NBAS: variants seen among roughly 807,000 people sequenced by gnomAD.
NBAS encodes the protein NAG/BC035112 fusion.
In NBAS, 219 loss-of-function variants were observed where a neutral mutation model predicts 302.5. The ratio of observed to expected loss-of-function variants is 0.72; its 90% CI spans 0.65 to 0.81. The LOEUF (loss-of-function observed/expected upper bound fraction) is 0.81, where lower values mean the gene tolerates loss of function less well. Among genes scored for constraint, NBAS ranks in the 30% least tolerant of loss-of-function variants. NBAS has a pLI of 0.00. For synonymous variants in NBAS, 1,118 were observed against 1,021.6 expected, an observed-to-expected ratio of 1.09 and a Z score of -1.80; for missense variants, 2,932 against 2,841.6, an observed-to-expected ratio of 1.03 and a Z score of -0.72.
At chr2:15,282,755 G>A (rs1014311623) in intron 42 of NBAS, among the ~76,000 whole-genome samples, 3 of 152,182 alleles carry the variant, frequency 2.0e-5, no homozygotes, top group Non-Finnish European at 4.4e-5. Context: ...AAAGATGGAA[G>A]GTATTACCGA....
the NBAS span, among the ~76,000 whole-genome samples, chr2:14,873,348 G>A: frequency 2.0e-5 from 3 of 152,178 alleles, no homozygotes; most frequent in South Asian, 2.1e-4. Flanking sequence ...ACTAGTAGCT[G>A]GGATTATAGG....
the NBAS span, among the ~76,000 whole-genome samples, chr2:14,802,403 C>G: frequency 6.6e-6 from 1 of 151,124 alleles, no homozygotes; most frequent in South Asian, 2.1e-4. Context: ...GGTACCAGTC[C>G]CATGCTGTTT....
chr2:15,461,594 G>A, intron 20 of NBAS, 93 bp downstream of exon 20: 2 of 811,054 alleles, frequency 2.5e-6, no homozygotes, highest in Non-Finnish European at 4.0e-6. Flanking sequence ...AAAAGAAAAT[G>A]TAATATATGC....
At position 15,351,870 on chromosome 2, in the gene NBAS, G is replaced by GCGCACACA. The variant is rs879175551; in HGVS notation, c.4179+121_4179+122insTGTGTGCG. The GCGCACACA allele has an allele frequency of 4.3e-6, 3 of 701,864 alleles. No individual in the cohort carries two copies. In the African/African-American group the frequency reaches 5.4e-5, roughly 13 times the overall value. The allele number at this position is 701,864 out of a possible 1,614,324, so 43.5% of individuals were successfully genotyped here. On this transcript the variant is annotated intron_variant, in intron 35 of 51. Transcript: ENST00000281513. ...AGCTGAAAAGAAAAGTGGTCTGCAT[G>GCGCACACA]CACACACACACACACACACACACAC...
the NBAS span, among the ~76,000 whole-genome samples, chr2:14,968,923 C>T: frequency 3.9e-5 from 6 of 152,122 alleles, no homozygotes; most frequent in Middle Eastern, 3.4e-3. Context: ...TTTACAATAG[C>T]CAGAAAGTTG....
At chr2:15,500,940 A>G (rs911538328) in intron 11 of NBAS, among the ~76,000 whole-genome samples, 6 of 152,014 alleles carry the variant, frequency 3.9e-5, no homozygotes, top group African/African-American at 9.7e-5. Flanking sequence ...AAGAAAAAAA[A>G]GAAAAGATCC....
the NBAS span, among the ~76,000 whole-genome samples, chr2:14,839,211 C>T: frequency 6.6e-6 from 1 of 151,440 alleles, no homozygotes; most frequent in Non-Finnish European, 1.5e-5. Context: ...AAAAAAAACT[C>T]TGAGCAGATG....
At chr2:14,783,560 A>G in the NBAS span, among the ~76,000 whole-genome samples, 1 of 145,848 alleles carries the variant, frequency 6.9e-6, no homozygotes. Context: ...TATGAGTGAG[A>G]ACATGCGGTG....
At chr2:15,023,969 A>G in the NBAS span, among the ~76,000 whole-genome samples, 2 of 151,870 alleles carry the variant, frequency 1.3e-5, no homozygotes, top group Non-Finnish European at 2.9e-5. Context: ...TTTTATTTTA[A>G]TATTTTAACT....
chr2:15,073,342 G>T, the NBAS span, among the ~76,000 whole-genome samples: 70 of 151,700 alleles, frequency 4.6e-4, no homozygotes, highest in Non-Finnish European at 7.1e-4. Context: ...AGCTGGGCGT[G>T]GTGGCAGGTG....
chr2:14,814,590 C>A, the NBAS span, among the ~76,000 whole-genome samples: 7 of 152,328 alleles, frequency 4.6e-5, no homozygotes, highest in African/African-American at 1.2e-4. Context: ...ATGCATGTAA[C>A]CCCATTGTAT....
the NBAS span, among the ~76,000 whole-genome samples, chr2:14,960,537 G>A: frequency 6.6e-6 from 1 of 152,164 alleles, no homozygotes; most frequent in African/African-American, 2.4e-5. Context: ...CTTTGATGAT[G>A]AGAAATCTAA....
the NBAS span, among the ~76,000 whole-genome samples, chr2:14,896,456 C>A: frequency 1.3e-5 from 2 of 152,194 alleles, no homozygotes; most frequent in East Asian, 1.9e-4. Flanking sequence ...CCTACGCCCC[C>A]ACACTGAACA....
At chr2:15,022,352 T>C in the NBAS span, among the ~76,000 whole-genome samples, 1 of 152,212 alleles carries the variant, frequency 6.6e-6, no homozygotes, top group East Asian at 1.9e-4. Context: ...AAGACGGTGA[T>C]GTTGAGAGGT....
rs1354195726 is a variant in NBAS, at chr2:15,534,596, G to A, written c.693C>T (p.Phe231=). The change falls in exon 9 of 52, where the codon TTC becomes TTT. Residue 231 remains phenylalanine (F), a synonymous_variant. Transcript: ENST00000281513. Reference sequence around the variant, plus strand: ...TGATTCCATGAGGATAATGACTACTGAAGCTGAAACAGTGACTTTCTTGGT... The same window carrying A: ...TGATTCCATGAGGATAATGACTACTAAAGCTGAAACAGTGACTTTCTTGGT... ...QSYQESHCFS[F]SSHYPHGINT... 3 of 1,613,732 alleles carry A rather than the reference G, an allele frequency of 1.9e-6. No individual in the cohort carries two copies. Among genetic ancestry groups the A allele is most frequent in the Non-Finnish European group, 2.5e-6 (3 of 1,179,818 alleles).
chr2:14,881,877 C>T, the NBAS span, among the ~76,000 whole-genome samples: 49 of 152,120 alleles, frequency 3.2e-4, no homozygotes, highest in South Asian at 1.0e-2. Context: ...TGGGCTATAA[C>T]CAAATAAGAG....
At chr2:15,038,822 G>A in the NBAS span, among the ~76,000 whole-genome samples, 1 of 152,220 alleles carries the variant, frequency 6.6e-6, no homozygotes, top group Non-Finnish European at 1.5e-5. Context: ...CCTGGCCAGA[G>A]AGGAAGTGGG....
chr2:15,262,093 G>C (rs969566409), intron 44 of NBAS, among the ~76,000 whole-genome samples: 3 of 152,082 alleles, frequency 2.0e-5, no homozygotes, highest in Non-Finnish European at 4.4e-5. Flanking sequence ...GGGGCCACAG[G>C]GTTGATTCAG....
chr2:15,332,487 A>G (rs1232637122), intron 35 of NBAS, among the ~76,000 whole-genome samples: 1 of 152,194 alleles, frequency 6.6e-6, no homozygotes, highest in Non-Finnish European at 1.5e-5. Context: ...AATTTACCCA[A>G]CTGGCTGTTG....
Sources: gnomAD v4.1 joint callset for allele counts (sites outside exome capture counted in the v4.1 genomes callset) on GRCh38, gnomAD v4.1.1 for gene constraint, MANE v1.5 for transcripts, NCBI Gene and HGNC (gene_info 2026-07-23, HGNC 2026-07-21) for gene names.